SYTL2: variants seen among roughly 807,000 people sequenced by gnomAD.
SYTL2 encodes the protein synaptotagmin-like protein 2.
SYTL2 carries 165 observed loss-of-function variants against 198.7 expected under a neutral mutation model. That is an observed-to-expected ratio of 0.83 (90% confidence interval 0.73 to 0.94). SYTL2 has a LOEUF of 0.94. SYTL2 is among the 40% of genes least tolerant of loss of function. The probability of loss-of-function intolerance (pLI) is 0.00; values close to 1 mark genes in which losing one functional copy is unlikely to be tolerated. For synonymous variants in SYTL2, 966 were observed against 917.7 expected (o/e 1.05, Z -0.95); for missense variants, 2,835 against 2,582.8 (o/e 1.10, Z -2.12).
At chr11:85,712,473 G>T (rs2086475067) in intron 12 of SYTL2, among the ~76,000 whole-genome samples, 1 of 152,026 alleles carries the variant, frequency 6.6e-6, no homozygotes, top group African/African-American at 2.4e-5. Flanking sequence ...GTCTCAAAGG[G>T]AACAGATGAG....
intron 9 of SYTL2, among the ~76,000 whole-genome samples, chr11:85,720,355 G>A (rs2088107072): frequency 6.6e-6 from 1 of 152,144 alleles, no homozygotes; most frequent in East Asian, 1.9e-4. Flanking sequence ...TGTTAATTTT[G>A]AGTCCCAGAT....
Position 85,804,253 on chromosome 11 carries a change from G to A in SYTL2, c.-390+6701C>T, listed in dbSNP as rs1004737808. 5.3e-5 allele frequency among the ~76,000 whole-genome samples: 8 copies of A among 152,274 alleles called. 1 individual carries two copies. Among genetic ancestry groups the A allele is most frequent in the Admixed American group, 5.2e-4 (8 of 15,300 alleles). On this transcript the variant is annotated intron_variant, in intron 1 of 19. Transcript: ENST00000359152. Reference sequence around the variant, plus strand: ...AGCCCATTTTCAAGGGTTATCCTGTGTAGTCAAAACACTATCGCAAGCTAT... The same window carrying A: ...AGCCCATTTTCAAGGGTTATCCTGTATAGTCAAAACACTATCGCAAGCTAT...
the SYTL2 span, among the ~76,000 whole-genome samples, chr11:85,834,749 CTTTTCT>C: frequency 2.1e-5 from 3 of 144,760 alleles, no homozygotes; most frequent in Non-Finnish European, 3.0e-5. Context: ...ATATTAAATG[CTTTTCT>C]TTTTCTTTTT....
At chr11:85,846,588 C>A in the SYTL2 span, among the ~76,000 whole-genome samples, 1 of 152,040 alleles carries the variant, frequency 6.6e-6, no homozygotes, top group Non-Finnish European at 1.5e-5. Flanking sequence ...CCACCACACC[C>A]AGCTAATTTT....
At chr11:85,729,695 G>A (rs2089600699) in intron 7 of SYTL2, among the ~76,000 whole-genome samples, 1 of 152,056 alleles carries the variant, frequency 6.6e-6, no homozygotes, top group Admixed American at 6.6e-5. Context: ...AAAAGCAAGA[G>A]CAAACAAATT....
At chr11:85,784,367 T>G (rs954185622) in intron 1 of SYTL2, among the ~76,000 whole-genome samples, 6 of 134,500 alleles carry the variant, frequency 4.5e-5, no homozygotes, top group African/African-American at 1.7e-4. Flanking sequence ...GCCACCAAAA[T>G]AGAAAAAAAA....
At chr11:85,846,200 C>T in the SYTL2 span, among the ~76,000 whole-genome samples, 1 of 152,174 alleles carries the variant, frequency 6.6e-6, no homozygotes, top group East Asian at 1.9e-4. Context: ...AGATAGACTT[C>T]TTACATGGCA....
intron 1 of SYTL2, among the ~76,000 whole-genome samples, chr11:85,772,323 T>C (rs2092371343): frequency 1.3e-5 from 2 of 152,182 alleles, no homozygotes; most frequent in Non-Finnish European, 2.9e-5. Flanking sequence ...TATATATAGT[T>C]CCTGAGACAC....
the SYTL2 span, among the ~76,000 whole-genome samples, chr11:85,818,603 T>A: frequency 6.9e-6 from 1 of 145,514 alleles, no homozygotes; most frequent in Non-Finnish European, 1.5e-5. Flanking sequence ...TGGAAAAAAA[T>A]ATCCACTTGC....
the SYTL2 span, among the ~76,000 whole-genome samples, chr11:85,847,065 A>T: frequency 1.3e-5 from 2 of 152,218 alleles, no homozygotes; most frequent in Non-Finnish European, 2.9e-5. Flanking sequence ...AACTTTGTTA[A>T]AGTACAATTT....
intron 16 of SYTL2, among the ~76,000 whole-genome samples, chr11:85,702,525 T>C (rs560097607): frequency 1.3e-5 from 2 of 152,310 alleles, no homozygotes; most frequent in South Asian, 4.1e-4. Flanking sequence ...GTGAATCAGA[T>C]GCATGCTGAT....
At chr11:85,718,925 C>A in intron 9 of SYTL2, 82 bp from the exon 10 acceptor site, 2 of 1,569,416 alleles carry the variant, frequency 1.3e-6, no homozygotes, top group East Asian at 2.3e-5. Flanking sequence ...TGGAAGCCCC[C>A]GGAGTTGGAA....
intron 4 of SYTL2, among the ~76,000 whole-genome samples, chr11:85,742,630 C>T (rs2090884791): frequency 6.6e-6 from 1 of 152,146 alleles, no homozygotes; most frequent in Admixed American, 6.5e-5. Flanking sequence ...GATCGACGGG[C>T]TTATCTTTTG....
chr11:85,843,165 G>A, the SYTL2 span, among the ~76,000 whole-genome samples: 1 of 152,070 alleles, frequency 6.6e-6, no homozygotes, highest in Non-Finnish European at 1.5e-5. Flanking sequence ...CTCGAGGTCT[G>A]GAGTTCAAGA....
At chr11:85,708,389 G>T (rs764647665) in intron 14 of SYTL2, among the ~76,000 whole-genome samples, 1 of 151,978 alleles carries the variant, frequency 6.6e-6, no homozygotes, top group Admixed American at 6.6e-5. Flanking sequence ...AAAGAAAAAA[G>T]GATTGCACTT....
At chr11:85,846,195 G>C in the SYTL2 span, among the ~76,000 whole-genome samples, 4 of 152,184 alleles carry the variant, frequency 2.6e-5, no homozygotes, top group African/African-American at 9.7e-5. Flanking sequence ...ATAGGAGATA[G>C]ACTTCTTACA....
intron 1 of SYTL2, among the ~76,000 whole-genome samples, chr11:85,787,021 A>C (rs1175327061): frequency 2.0e-5 from 3 of 152,180 alleles, no homozygotes; most frequent in African/African-American, 7.2e-5. Flanking sequence ...ATAAGCTGAA[A>C]ATTCACAATG....
Position 85,724,435 on chromosome 11 carries a change from T to C in SYTL2, c.4923A>G (p.Gly1641=). 6.2e-7 allele frequency: 1 copy of C among 1,609,878 alleles called. No individual in the cohort carries two copies. Among genetic ancestry groups the C allele is most frequent in the Non-Finnish European group, 8.5e-7 (1 of 1,178,696 alleles). Reference sequence around the variant, plus strand: ...CCAATAAATCAGTCACAAGTGCGTCTCCTCCCAACATTTTATCACATTGGT... The same window carrying C: ...CCAATAAATCAGTCACAAGTGCGTCCCCTCCCAACATTTTATCACATTGGT... ...QVNQCDKMLG[G]DALVTDLLVD... The change falls in exon 8 of 20, where the codon GGA becomes GGG. Residue 1641 remains glycine (G), a synonymous_variant. Coordinates refer to ENST00000359152, the MANE Select transcript of SYTL2 (RefSeq NM_206927.4).
chr11:85,716,648 T>C (rs2153442074), intron 11 of SYTL2: 1 of 151,028 alleles, frequency 6.6e-6, no homozygotes. Flanking sequence ...ATACCCCCAG[T>C]GCCTAGGGTT....
Sources: allele counts gnomAD v4.1 joint callset (sites outside exome capture counted in the v4.1 genomes callset), GRCh38; gene constraint gnomAD v4.1.1; transcripts MANE v1.5; gene names NCBI Gene and HGNC (gene_info 2026-07-23, HGNC 2026-07-21).